FMN1: variants seen among roughly 807,000 people sequenced by gnomAD.
FMN1 encodes formin-1.
In FMN1, 110 loss-of-function variants were observed where a neutral mutation model predicts 132.4. The observed-to-expected ratio is 0.83, with a 90% CI of 0.71 to 0.97. FMN1 has a LOEUF of 0.97. Ranked by LOEUF, FMN1 falls within the 50% of genes least tolerant of loss-of-function variation. The probability of loss-of-function intolerance (pLI) is 0.00; values close to 1 mark genes in which losing one functional copy is unlikely to be tolerated. For synonymous variants in FMN1, 722 were observed against 651.7 expected (o/e 1.11, Z -1.64); for missense variants, 1,792 against 1,705.3 (o/e 1.05, Z -0.90).
intron 6 of FMN1, among the ~76,000 whole-genome samples, chr15:33,016,174 G>A (rs1167727783): frequency 2.0e-5 from 3 of 152,132 alleles, no homozygotes; most frequent in Non-Finnish European, 4.4e-5. Context: ...ATTTCAAGAA[G>A]CTGGTGCATA....
intron 9 of FMN1, among the ~76,000 whole-genome samples, chr15:32,939,984 T>TAA (rs1426035007): frequency 9.9e-5 from 15 of 152,182 alleles, no homozygotes; most frequent in African/African-American, 3.4e-4. Context: ...ACCTAATTAT[T>TAA]AAGCACCAAC....
intron 6 of FMN1, among the ~76,000 whole-genome samples, chr15:33,009,814 T>C (rs1056820690): frequency 1.3e-5 from 2 of 152,206 alleles, no homozygotes; most frequent in Non-Finnish European, 2.9e-5. Flanking sequence ...CATAAACAAA[T>C]GATAGTATGT....
At chr15:32,784,646 C>T (rs2056790691) in intron 19 of FMN1, among the ~76,000 whole-genome samples, 1 of 152,142 alleles carries the variant, frequency 6.6e-6, no homozygotes, top group African/African-American at 2.4e-5. Context: ...GGCCAGCTTT[C>T]CCACTCTCTT....
chr15:32,847,111 G>A (rs994887447), intron 17 of FMN1, among the ~76,000 whole-genome samples: 2 of 152,174 alleles, frequency 1.3e-5, no homozygotes, highest in African/African-American at 4.8e-5. Flanking sequence ...GGGAAATGAG[G>A]AGATTACCCA....
chr15:32,961,958 CATA>C (rs563527263), intron 9 of FMN1, among the ~76,000 whole-genome samples: 2 of 152,222 alleles, frequency 1.3e-5, no homozygotes, highest in South Asian at 4.2e-4. Flanking sequence ...AAGCCACCGT[CATA>C]ATGAGGTCTA....
intron 17 of FMN1, among the ~76,000 whole-genome samples, chr15:32,854,376 T>C (rs2059077267): frequency 6.6e-6 from 1 of 152,228 alleles, no homozygotes; most frequent in African/African-American, 2.4e-5. Context: ...AACAAGCTAT[T>C]TCAACAGTAG....
At chr15:33,155,162 C>A in intron 3 of FMN1, 117 bp from the exon 4 acceptor site, 1 of 390,786 alleles carries the variant, frequency 2.6e-6, no homozygotes, top group Non-Finnish European at 4.6e-6. Context: ...ACCTCAACAA[C>A]TCAAGGAATC....
At chr15:32,925,964 A>G (rs548507971) in intron 10 of FMN1, among the ~76,000 whole-genome samples, 1 of 152,316 alleles carries the variant, frequency 6.6e-6, no homozygotes, top group East Asian at 1.9e-4. Flanking sequence ...CAGATGACTT[A>G]TAAAGCATCT....
chr15:33,092,257 C>A (rs1326207741), intron 4 of FMN1, among the ~76,000 whole-genome samples: 1 of 152,156 alleles, frequency 6.6e-6, no homozygotes, highest in Non-Finnish European at 1.5e-5. Flanking sequence ...CAGAAGCAGA[C>A]AGAATGCAAA....
chr15:32,860,823 G>A (rs760321751), intron 16 of FMN1: 1 of 152,140 alleles, frequency 6.6e-6, no homozygotes, highest in Non-Finnish European at 1.5e-5. Flanking sequence ...ATGATCTAAG[G>A]TTTGAGTGTA....
At chr15:33,060,620 G>A (rs1175128664) in intron 6 of FMN1, among the ~76,000 whole-genome samples, 1 of 152,146 alleles carries the variant, frequency 6.6e-6, no homozygotes, top group Non-Finnish European at 1.5e-5. Context: ...AATGTATTAT[G>A]CTAAGTTCTC....
chr15:33,024,939 A>AT (rs2035597228), intron 6 of FMN1, among the ~76,000 whole-genome samples: 1 of 152,162 alleles, frequency 6.6e-6, no homozygotes, highest in African/African-American at 2.4e-5. Flanking sequence ...TCTAACAAAC[A>AT]TTATTTTGAG....
chr15:33,125,558 G>C (rs1008612893), intron 4 of FMN1, among the ~76,000 whole-genome samples: 1 of 152,140 alleles, frequency 6.6e-6, no homozygotes, highest in Non-Finnish European at 1.5e-5. Context: ...ATTCAGAATA[G>C]GTGGGGCATG....
chr15:32,776,083 A>G (rs74011957), intron 20 of FMN1, among the ~76,000 whole-genome samples: 22,471 of 152,236 alleles, frequency 0.15, 1,758 homozygotes, highest in Middle Eastern at 0.21. Flanking sequence ...TAACCCCAAA[A>G]AAAAAGTAGT....
intron 5 of FMN1, among the ~76,000 whole-genome samples, chr15:33,073,278 T>C (rs1221943393): frequency 6.6e-6 from 1 of 152,202 alleles, no homozygotes; most frequent in African/African-American, 2.4e-5. Context: ...CTTGTCCAAC[T>C]TATTTCAAGT....
At chr15:33,023,663 T>A (rs2035528034) in intron 6 of FMN1, among the ~76,000 whole-genome samples, 1 of 152,070 alleles carries the variant, frequency 6.6e-6, no homozygotes, top group African/African-American at 2.4e-5. Flanking sequence ...TGCAGCATGG[T>A]GCAAGAAAGG....
At position 33,010,830 on chromosome 15, in the gene FMN1, G is replaced by GA. The variant is rs1338897328; in HGVS notation, c.2162-2756dup. Among the ~76,000 whole-genome samples the GA allele has an allele frequency of 1.0e-4, 15 of 148,960 alleles. No homozygotes were observed. The East Asian group carries it at 2.8e-3, about 28-fold the overall frequency. On this transcript the variant is annotated intron_variant, in intron 6 of 20. Coordinates refer to ENST00000616417, the MANE Select transcript of FMN1 (RefSeq NM_001277313.2). ...TACTTCTAAAAATACAAAATACCCA[G>GA]AAAAAACTCAACAGAAATATGTAAA...
At chr15:32,934,598 C>CTT (rs376553575) in intron 9 of FMN1, among the ~76,000 whole-genome samples, 188 of 127,088 alleles carry the variant, frequency 1.5e-3, no homozygotes, top group African/African-American at 4.8e-3. Flanking sequence ...AATTTTTTTC[C>CTT]TTTTTTTTTT....
chr15:33,053,686 G>A (rs1271560550), intron 6 of FMN1, among the ~76,000 whole-genome samples: 1 of 152,036 alleles, frequency 6.6e-6, no homozygotes, highest in African/African-American at 2.4e-5. Flanking sequence ...AAAAAAAAAT[G>A]CTGTCTGTAT....
Sources: gnomAD v4.1 joint callset for allele counts (sites outside exome capture counted in the v4.1 genomes callset) on GRCh38, gnomAD v4.1.1 for gene constraint, MANE v1.5 for transcripts, NCBI Gene and HGNC (gene_info 2026-07-23, HGNC 2026-07-21) for gene names.